RPTOR: variants seen among roughly 807,000 people sequenced by gnomAD.
RPTOR encodes the protein regulatory-associated protein of mTOR.
In RPTOR, 21 loss-of-function variants were observed where a neutral mutation model predicts 169.9. That is an observed-to-expected ratio of 0.12 (90% confidence interval 0.09 to 0.18). The LOEUF (loss-of-function observed/expected upper bound fraction) is 0.18. Among genes scored for constraint, RPTOR ranks in the 10% least tolerant of loss-of-function variants. The probability of loss-of-function intolerance (pLI) is 1.00; values close to 1 mark genes in which losing one functional copy is unlikely to be tolerated. For synonymous variants in RPTOR, 732 were observed against 753.2 expected (o/e 0.97, Z 0.46); for missense variants, 1,133 against 1,855.9 (o/e 0.61, Z 7.16).
chr17:80,847,437 CAG>C (rs1319621022), intron 11 of RPTOR, among the ~76,000 whole-genome samples: 1 of 152,222 alleles, frequency 6.6e-6, no homozygotes, highest in Non-Finnish European at 1.5e-5. Flanking sequence ...TGGGCTGAGT[CAG>C]AGTCAAAGGA....
Position 80,820,928 on chromosome 17 carries a change from C to T in RPTOR, c.891-1273C>T, listed in dbSNP as rs567540836. 1.8e-4 allele frequency among the ~76,000 whole-genome samples: 27 copies of T among 152,276 alleles called. No homozygotes were observed. Among genetic ancestry groups the T allele is most frequent in the African/African-American group, 5.8e-4 (24 of 41,570 alleles). The stretch of plus-strand genomic sequence containing the variant: ...GTAAACTGGTCTCCACTGTGGAGGT[C>T]GAAATTTTTCTTGAATTTGGAAATC... On this transcript the variant is annotated intron_variant, in intron 7 of 33. Coordinates refer to ENST00000306801, the MANE Select transcript of RPTOR (RefSeq NM_020761.3). The surrounding 1 kb of genome is among the most constrained non-coding windows in gnomAD (Gnocchi z 4.1).
At chr17:80,773,502 A>G (rs1461215562) in intron 6 of RPTOR, among the ~76,000 whole-genome samples, 1 of 151,924 alleles carries the variant, frequency 6.6e-6, no homozygotes, top group Non-Finnish European at 1.5e-5. Context: ...GTTGGACTTA[A>G]AGTTTGTTGG....
rs113943264 is a variant in RPTOR at position 80,805,370 on chromosome 17, C to A, written c.890+13861C>A. 1,474 of 152,460 alleles carry A rather than the reference C, an allele frequency of 9.7e-3. 11 individuals carry two copies. Among genetic ancestry groups the A allele is most frequent in the Non-Finnish European group, 0.016 (1,102 of 68,144 alleles). 9.4% of individuals were successfully genotyped at this position (152,460 alleles called of 1,614,324 possible). On this transcript the variant is annotated intron_variant, in intron 7 of 33. Coordinates refer to ENST00000306801, the MANE Select transcript of RPTOR (RefSeq NM_020761.3). ...AGGTGAGAGTGGCGTCTGGAGACAG[C>A]CTGGAGGCGGCCAGTGCCTCCGGAG... is the stretch of plus-strand genomic sequence containing the variant.
chr17:80,808,747 C>T (rs1267295778), intron 7 of RPTOR, among the ~76,000 whole-genome samples: 1 of 152,176 alleles, frequency 6.6e-6, no homozygotes, highest in Non-Finnish European at 1.5e-5. Context: ...TTTGATGTTT[C>T]CAGAACTTTC....
chr17:80,802,697 C>T (rs2067173752), intron 7 of RPTOR: 1 of 152,346 alleles, frequency 6.6e-6, no homozygotes, highest in South Asian at 2.1e-4. Flanking sequence ...TGGAGGGCAG[C>T]TTCCGTTCCT....
chr17:80,645,857 C>T (rs113455293), intron 3 of RPTOR, among the ~76,000 whole-genome samples: 2,316 of 152,260 alleles, frequency 0.015, 25 homozygotes, highest in African/African-American at 0.023. Context: ...CAGTTGTATT[C>T]GGACAGCGAG....
chr17:80,610,821 TGAAG>T (rs2143484916), intron 1 of RPTOR, among the ~76,000 whole-genome samples: 1 of 152,344 alleles, frequency 6.6e-6, no homozygotes, highest in South Asian at 2.1e-4. Flanking sequence ...TCTGTCGTAC[TGAAG>T]GTATCATCAT....
chr17:80,617,329 T>C (rs1290762598), intron 1 of RPTOR, among the ~76,000 whole-genome samples: 1 of 152,218 alleles, frequency 6.6e-6, no homozygotes, highest in Non-Finnish European at 1.5e-5. Context: ...TGAGAACATA[T>C]TTTTTAAACA....
At position 80,897,173 on chromosome 17, in the gene RPTOR, G is replaced by A. The variant is rs371864790; in HGVS notation, c.2401+3308G>A. 2.0e-4 allele frequency among the ~76,000 whole-genome samples: 31 copies of A among 151,962 alleles called. 1 individual carries two copies. In the East Asian group the frequency reaches 2.3e-3, roughly 11 times the overall value. ...CTACTGGAGGAGAATCACTTGAACC[G>A]GGGAGGCGGAGGTTGCAGTGAGCGG... is the stretch of plus-strand genomic sequence containing the variant. On this transcript the variant is annotated intron_variant, in intron 20 of 33. Transcript: ENST00000306801.
intron 3 of RPTOR, among the ~76,000 whole-genome samples, chr17:80,678,695 T>G (rs2065876936): frequency 6.6e-6 from 1 of 152,190 alleles, no homozygotes; most frequent in Admixed American, 6.5e-5. Context: ...TAACTTCAGA[T>G]TGTGCAGTTG....
intron 1 of RPTOR, among the ~76,000 whole-genome samples, chr17:80,596,757 A>G (rs959587707): frequency 9.2e-5 from 14 of 151,906 alleles, no homozygotes; most frequent in African/African-American, 2.7e-4. Flanking sequence ...TCTTATTTCA[A>G]TGGATCCAAA....
At chr17:80,839,582 A>C (rs2067604798) in intron 10 of RPTOR, among the ~76,000 whole-genome samples, 1 of 152,066 alleles carries the variant, frequency 6.6e-6, no homozygotes, top group East Asian at 1.9e-4. Flanking sequence ...GGGGGCAATG[A>C]CAGGGTCTCC....
chr17:80,634,233 G>GTGTGCGTGTGTGTAC (rs2065467423), intron 2 of RPTOR, among the ~76,000 whole-genome samples: 1 of 131,926 alleles, frequency 7.6e-6, no homozygotes, highest in Non-Finnish European at 1.6e-5. Flanking sequence ...TGTGTGTACT[G>GTGTGCGTGTGTGTAC]TGTGTGCGTG....
intron 6 of RPTOR, among the ~76,000 whole-genome samples, 190 bp from the exon 7 acceptor site, chr17:80,791,260 G>A (rs376225671): frequency 2.6e-4 from 39 of 151,996 alleles, no homozygotes; most frequent in Admixed American, 4.6e-4. Flanking sequence ...GTAGTCTCAC[G>A]CCTTGACAGA....
intron 6 of RPTOR, among the ~76,000 whole-genome samples, chr17:80,786,866 T>C (rs773543810): frequency 1.3e-5 from 2 of 152,248 alleles, no homozygotes; most frequent in Non-Finnish European, 2.9e-5. Flanking sequence ...GCCACTTGTT[T>C]GCGTACCCAG....
At position 80,708,669 on chromosome 17, in the gene RPTOR, C is replaced by T. The variant is rs113406552; in HGVS notation, c.507+670C>T. ...TGGTGGGTGCTGACTGTTGTCCCCA[C>T]CCTCCAGGGTGTGGTGGGTGCTGAC... On this transcript the variant is annotated intron_variant, in intron 4 of 33. Coordinates refer to ENST00000306801, the MANE Select transcript of RPTOR (RefSeq NM_020761.3). This position sits in a 1 kb window ranked among gnomAD's most constrained non-coding sequence, Gnocchi z 4.2. 0.074 allele frequency among the ~76,000 whole-genome samples: 10,834 copies of T among 145,470 alleles called. 677 individuals are homozygous for T. The highest frequency in any genetic ancestry group is 0.11 in the African/African-American group (4,399 of 38,256).
intron 5 of RPTOR, 21 bp from the exon 6 acceptor site, chr17:80,753,989 C>T (rs2143334386): frequency 6.2e-7 from 1 of 1,603,418 alleles, no homozygotes; most frequent in Non-Finnish European, 8.5e-7. Flanking sequence ...ACTCTCTTTT[C>T]CCGAATGTTC....
At chr17:80,576,201 T>C (rs906877273) in intron 1 of RPTOR, among the ~76,000 whole-genome samples, 1 of 152,220 alleles carries the variant, frequency 6.6e-6, no homozygotes, top group Non-Finnish European at 1.5e-5. Flanking sequence ...TTACAGCCAT[T>C]GGGGCCTAAA....
At chr17:80,944,264 G>A (rs1300023755) in intron 25 of RPTOR, among the ~76,000 whole-genome samples, 2 of 152,116 alleles carry the variant, frequency 1.3e-5, no homozygotes, top group African/African-American at 2.4e-5. Context: ...AAAGACCCCC[G>A]GACTTTGGCT....
Sources: allele counts gnomAD v4.1 joint callset (sites outside exome capture counted in the v4.1 genomes callset), GRCh38; gene constraint gnomAD v4.1.1; non-coding constraint Gnocchi (gnomAD v3.1); transcripts MANE v1.5; gene names NCBI Gene and HGNC (gene_info 2026-07-23, HGNC 2026-07-21).